SLC29A4: variants seen among roughly 807,000 people sequenced by gnomAD.
SLC29A4 encodes the protein equilibrative nucleoside transporter 4.
SLC29A4 carries 36 observed loss-of-function variants against 43.9 expected under a neutral mutation model. The ratio of observed to expected loss-of-function variants is 0.82; its 90% CI spans 0.63 to 1.08. The LOEUF (loss-of-function observed/expected upper bound fraction) is 1.08, where lower values mean the gene tolerates loss of function less well. Ranked by LOEUF, SLC29A4 falls within the 50% of genes least tolerant of loss-of-function variation. The pLI, the probability that SLC29A4 is intolerant of heterozygous loss-of-function variation, is 0.00. For synonymous variants in SLC29A4, 491 were observed against 338.0 expected (o/e 1.45, Z -4.97); for missense variants, 869 against 755.3 (o/e 1.15, Z -1.77).
intron 1 of SLC29A4, among the ~76,000 whole-genome samples, chr7:5,286,729 G>A (rs1357792828): frequency 1.3e-5 from 2 of 152,086 alleles, no homozygotes; most frequent in Non-Finnish European, 2.9e-5. Flanking sequence ...CCGCCATAAG[G>A]GTGGTTGGCC....
At position 5,291,159 on chromosome 7, in the gene SLC29A4, A is replaced by G. The variant is rs751639276; in HGVS notation, c.337A>G (p.Ile113Val). The G allele has an allele frequency of 6.2e-7, 1 of 1,613,632 alleles. No individual in the cohort carries two copies. Among genetic ancestry groups the G allele is most frequent in the Non-Finnish European group, 8.5e-7 (1 of 1,179,916 alleles). Reference sequence around the variant, plus strand: ...CGTGTTTGACATGAGCCTCACCTACATCTTGGTGGCACTGGCAGCTGTCCT... The same window carrying G: ...CGTGTTTGACATGAGCCTCACCTACGTCTTGGTGGCACTGGCAGCTGTCCT... ...SIVFDMSLTY[I>V]LVALAAVLLN... The change falls in exon 4 of 11, where the codon ATC becomes GTC. Residue 113 changes from isoleucine (I) to valine (V), a missense_variant. Transcript: ENST00000396872.
chr7:5,292,844 G>T (rs1275937124), intron 5 of SLC29A4, among the ~76,000 whole-genome samples: 3 of 151,250 alleles, frequency 2.0e-5, no homozygotes, highest in African/African-American at 7.3e-5. Context: ...GATTACAGGT[G>T]CCCGCCACCA....
chr7:5,299,007 T>C lies in SLC29A4; in HGVS notation c.902T>C (p.Leu301Pro), dbSNP rs768761880. The C allele has an allele frequency of 2.5e-6, 4 of 1,610,414 alleles. No homozygotes were observed. The African/African-American group carries it at 5.3e-5, about 22-fold the overall frequency. ...CTCCAGGAGCACCCAGCCCCGGCCC[T>C]GGCCCCCAACGAGTCCCCAAAGGAC... The part of the protein sequence containing the change: ...DVHFEHPAPA[L>P]APNESPKDSP... Residue 301 changes from leucine (L) to proline (P), a missense_variant, in exon 8 of 11, where the codon CTG (leucine) becomes CCG (proline). Coordinates refer to ENST00000396872, the MANE Select transcript of SLC29A4 (RefSeq NM_153247.4).
intron 1 of SLC29A4, among the ~76,000 whole-genome samples, chr7:5,285,256 C>T (rs185448549): frequency 7.2e-5 from 11 of 152,216 alleles, no homozygotes; most frequent in African/African-American, 9.6e-5. Flanking sequence ...CCTGCTCGGC[C>T]GCCACCCCAC....
chr7:5,283,342 C>T (rs1257814747), intron 1 of SLC29A4, among the ~76,000 whole-genome samples: 12 of 148,154 alleles, frequency 8.1e-5, no homozygotes, highest in African/African-American at 2.2e-4. Context: ...TCCCTGAGCA[C>T]CGCGCGGGGG....
At chr7:5,299,803 C>A (rs1370149374) in intron 9 of SLC29A4, among the ~76,000 whole-genome samples, 2 of 152,234 alleles carry the variant, frequency 1.3e-5, no homozygotes, top group Non-Finnish European at 2.9e-5. Flanking sequence ...GTAATCCTAG[C>A]ACTTCAGGAG....
At chr7:5,296,426 A>C (rs1303861858) in intron 6 of SLC29A4, among the ~76,000 whole-genome samples, 2 of 145,018 alleles carry the variant, frequency 1.4e-5, no homozygotes, top group Non-Finnish European at 3.0e-5. Flanking sequence ...TGTGAGGGGC[A>C]GCTCCTCTTG....
chr7:5,288,220 G>A (rs1224157406), intron 2 of SLC29A4, among the ~76,000 whole-genome samples: 3 of 152,032 alleles, frequency 2.0e-5, no homozygotes, highest in Non-Finnish European at 1.5e-5. Flanking sequence ...AGGCAGAGGA[G>A]GCTCTGTCTT....
chr7:5,285,800 C>G (rs1420631760), intron 1 of SLC29A4, among the ~76,000 whole-genome samples: 1 of 151,928 alleles, frequency 6.6e-6, no homozygotes, highest in African/African-American at 2.4e-5. Context: ...TCACTTGAGC[C>G]CAGGAGTTCA....
intron 5 of SLC29A4, among the ~76,000 whole-genome samples, chr7:5,293,392 G>A (rs1376600627): frequency 1.3e-5 from 2 of 151,242 alleles, no homozygotes; most frequent in African/African-American, 2.4e-5. Context: ...GGCTGCTCTC[G>A]AACTCCTGAC....
chr7:5,293,797 A>C (rs1165292223), intron 5 of SLC29A4, among the ~76,000 whole-genome samples: 1 of 152,130 alleles, frequency 6.6e-6, no homozygotes, highest in Non-Finnish European at 1.5e-5. Context: ...AGGCCACTGC[A>C]CCCAGCTAAT....
At chr7:5,286,626 A>T (rs551938260) in intron 1 of SLC29A4, among the ~76,000 whole-genome samples, 1 of 152,164 alleles carries the variant, frequency 6.6e-6, no homozygotes, top group Non-Finnish European at 1.5e-5. Context: ...TCCATCACAG[A>T]TGACTTAGCT....
At chr7:5,297,615 C>G (rs936035688) in intron 7 of SLC29A4, among the ~76,000 whole-genome samples, 1 of 152,252 alleles carries the variant, frequency 6.6e-6, no homozygotes, top group Non-Finnish European at 1.5e-5. Context: ...CAGGCTCAGC[C>G]TGGCAGCAAA....
chr7:5,299,506 G>T, intron 9 of SLC29A4, 79 bp downstream of exon 9: 1 of 1,460,686 alleles, frequency 6.8e-7, no homozygotes, highest in Middle Eastern at 2.4e-4. Context: ...TATCCGGGAA[G>T]GGTTCTGAGT....
rs749617414 is a variant in SLC29A4, at chr7:5,294,850, C to CTG, written c.545-9_545-8insGT. On this transcript the variant is annotated splice_polypyrimidine_tract_variant and intron_variant, in intron 5 of 10. Coordinates refer to ENST00000396872, the MANE Select transcript of SLC29A4 (RefSeq NM_153247.4). ...GTGCCTCTGGGTTGTTCCTCTCTCT[C>CTG]TCTCTTAAGTGCAGCAATCCAGCTT... is the stretch of plus-strand genomic sequence containing the variant. 2.5e-6 allele frequency: 4 copies of CTG among 1,612,068 alleles called. No individual in the cohort carries two copies. The highest frequency in any genetic ancestry group is 2.7e-5 in the African/African-American group (2 of 74,590).
rs1376983256 is a variant in SLC29A4 at position 5,300,443 on chromosome 7, G to T, written c.1231G>T (p.Asp411Tyr). ...VGKILAALPV[D>Y]WRGTHLLACS... ...GCAGATCCTGGCAGCCCTGCCCGTGGACTGGCGGGGCACCCACCTGCTGGC... is the reference window on the plus strand; with the variant it reads ...GCAGATCCTGGCAGCCCTGCCCGTGTACTGGCGGGGCACCCACCTGCTGGC... Residue 411 changes from aspartate (D) to tyrosine (Y), a missense_variant, in exon 10 of 11, where the codon GAC becomes TAC. Physicochemically the swap from Asp to Tyr is radical, Grantham distance 160 (BLOSUM62 -3). Transcript: ENST00000396872. 8 of 1,611,158 alleles carry T rather than the reference G, an allele frequency of 5.0e-6. No individual in the cohort carries two copies. The East Asian group carries it at 8.9e-5, about 18-fold the overall frequency.
Position 5,299,034 on chromosome 7 carries a change from G to A in SLC29A4, c.929G>A (p.Ser310Asn). ...GCCCCCAACGAGTCCCCAAAGGACA[G>A]CCCAGCCCACGAGGTGACCGGCAGC... ...ALAPNESPKDSPAHEVTGSGG... is the reference protein window; with the variant it reads ...ALAPNESPKDNPAHEVTGSGG... Residue 310 changes from serine to asparagine, a missense_variant, in exon 8 of 11, where the codon AGC becomes AAC. By Grantham distance (46) the Ser-to-Asn change is conservative. Transcript: ENST00000396872. 1.9e-6 allele frequency: 3 copies of A among 1,611,932 alleles called. No homozygotes were observed. Among genetic ancestry groups the A allele is most frequent in the Non-Finnish European group, 2.5e-6 (3 of 1,179,848 alleles).
intron 5 of SLC29A4, among the ~76,000 whole-genome samples, chr7:5,294,443 G>A (rs1465865013): frequency 6.6e-6 from 1 of 151,756 alleles, no homozygotes; most frequent in South Asian, 2.1e-4. Context: ...GAACAAGCCT[G>A]ACTTCTCACT....
At chr7:5,300,316 G>T in intron 9 of SLC29A4, 106 bp from the exon 10 acceptor site, 1 of 1,546,192 alleles carries the variant, frequency 6.5e-7, no homozygotes, top group Non-Finnish European at 8.8e-7. Context: ...GAGCTGGACA[G>T]GCCCAGGAGT....
Sources: allele counts gnomAD v4.1 joint callset (sites outside exome capture counted in the v4.1 genomes callset), GRCh38; gene constraint gnomAD v4.1.1; transcripts MANE v1.5; gene names NCBI Gene and HGNC (gene_info 2026-07-23, HGNC 2026-07-21).